The following CCDC149 variants were observed in gnomAD, a reference collection of about 807,000 sequenced individuals.
CCDC149 encodes the protein coiled-coil domain-containing protein 149.
In CCDC149, 45 loss-of-function variants were observed where a neutral mutation model predicts 59.9. That is an observed-to-expected ratio of 0.75 (90% CI 0.59 to 0.96). The LOEUF (loss-of-function observed/expected upper bound fraction) is 0.96, where lower values mean the gene tolerates loss of function less well. Among genes scored for constraint, CCDC149 ranks in the 40% least tolerant of loss-of-function variants. CCDC149 has a pLI of 0.00. For synonymous variants in CCDC149, 245 were observed against 260.6 expected (o/e 0.94, Z 0.58); for missense variants, 584 against 664.7 (o/e 0.88, Z 1.33).
chr4:24,924,870 A>G (rs1441733058), intron 1 of CCDC149, among the ~76,000 whole-genome samples: 3 of 152,216 alleles, frequency 2.0e-5, no homozygotes, highest in Non-Finnish European at 4.4e-5. Context: ...GTGGGATGGA[A>G]GAAATTGTTG....
intron 2 of CCDC149, among the ~76,000 whole-genome samples, chr4:24,874,681 CA>C (rs1213176615): frequency 2.0e-5 from 3 of 152,166 alleles, no homozygotes; most frequent in African/African-American, 7.2e-5. Context: ...ATTAAATGAG[CA>C]CTCTAATATC....
At chr4:24,905,829 C>T (rs780325977) in intron 1 of CCDC149, among the ~76,000 whole-genome samples, 1 of 152,126 alleles carries the variant, frequency 6.6e-6, no homozygotes, top group African/African-American at 2.4e-5. Context: ...TAGGAGTGGC[C>T]GTATGACTAT....
intron 1 of CCDC149, among the ~76,000 whole-genome samples, chr4:24,965,893 G>A (rs1357531609): frequency 1.3e-5 from 2 of 152,224 alleles, no homozygotes. Context: ...GCCATGTGAG[G>A]TGCATTAGGT....
At chr4:24,964,605 A>G (rs1053336518) in intron 1 of CCDC149, among the ~76,000 whole-genome samples, 3 of 152,220 alleles carry the variant, frequency 2.0e-5, no homozygotes, top group African/African-American at 4.8e-5. Flanking sequence ...AAGAATTGTT[A>G]TTTATATCAC....
chr4:24,928,666 T>C (rs1722498903), intron 1 of CCDC149, among the ~76,000 whole-genome samples: 1 of 152,180 alleles, frequency 6.6e-6, no homozygotes, highest in Non-Finnish European at 1.5e-5. Flanking sequence ...CTTGGAATGC[T>C]CTTCCAGAAC....
chr4:24,841,017 A>G (rs917381353), intron 4 of CCDC149, among the ~76,000 whole-genome samples: 5 of 152,204 alleles, frequency 3.3e-5, no homozygotes, highest in African/African-American at 1.2e-4. Flanking sequence ...TGGTCATTCC[A>G]CTGAAAGCTG....
In CCDC149 at chr4:24,920,788, T is replaced by A. The variant is rs183368306; in HGVS notation, c.-64-25670A>T. ...CAAGTATTAACCAAGCCTGACATTG[T>A]TTATCTTAATGGAAACTAAATCAAT... On this transcript the variant is annotated intron_variant, in intron 1 of 12. Transcript: ENST00000389609. Among the ~76,000 whole-genome samples the A allele has an allele frequency of 1.5e-3, 226 of 152,366 alleles. 1 individual carries two copies. Among genetic ancestry groups the A allele is most frequent in the Admixed American group, 3.4e-3 (52 of 15,302 alleles).
intron 12 of CCDC149, among the ~76,000 whole-genome samples, chr4:24,810,802 C>G (rs1714551752): frequency 6.6e-6 from 1 of 152,182 alleles, no homozygotes; most frequent in African/African-American, 2.4e-5. Context: ...AGTTTTTCCT[C>G]TATCAGAATG....
rs200346470 is a variant in CCDC149 at position 24,853,066 on chromosome 4, C to A, written c.372+6G>T. 1.4e-5 allele frequency: 22 copies of A among 1,580,258 alleles called. No individual in the cohort carries two copies. Among genetic ancestry groups the A allele is most frequent in the Non-Finnish European group, 1.8e-5 (21 of 1,149,586 alleles). The stretch of plus-strand genomic sequence containing the variant: ...AGAGCTTCTTCCCTGTAAATACTCA[C>A]AGTACCTTGTTGTCGCCCTGGACTT... On this transcript the variant is annotated splice_donor_region_variant and intron_variant, in intron 4 of 12. Coordinates refer to ENST00000635206, the MANE Select transcript of CCDC149 (RefSeq NM_001330643.2).
intron 3 of CCDC149, among the ~76,000 whole-genome samples, chr4:24,856,267 G>T (rs1163533917): frequency 6.6e-6 from 1 of 152,158 alleles, no homozygotes; most frequent in East Asian, 1.9e-4. Context: ...CATCTGCCTG[G>T]CACTGTTTTA....
At chr4:24,950,710 C>T (rs1315887348) in intron 1 of CCDC149, among the ~76,000 whole-genome samples, 1 of 152,174 alleles carries the variant, frequency 6.6e-6, no homozygotes, top group East Asian at 1.9e-4. Context: ...ATAACAAGTT[C>T]CTTTATTTTT....
intron 4 of CCDC149, among the ~76,000 whole-genome samples, chr4:24,850,963 CTT>C (rs745536602): frequency 1.4e-5 from 2 of 144,350 alleles, no homozygotes; most frequent in Non-Finnish European, 1.5e-5. Flanking sequence ...TGCAGTTAGA[CTT>C]TTTTTTTTTT....
intron 9 of CCDC149, chr4:24,828,304 T>C (rs1270650406): frequency 6.6e-6 from 1 of 151,314 alleles, no homozygotes; most frequent in Non-Finnish European, 1.5e-5. Context: ...AGTATATCTA[T>C]GTAAATATAT....
intron 1 of CCDC149, among the ~76,000 whole-genome samples, chr4:24,903,654 C>T (rs865916624): frequency 9.9e-5 from 15 of 152,194 alleles, no homozygotes; most frequent in Admixed American, 7.9e-4. Context: ...CAAGCTTACA[C>T]AGTCATGTAA....
At chr4:24,913,056 G>C (rs1721994080), upstream of CCDC149, 1 of 166,978 alleles carries the variant, frequency 6.0e-6, no homozygotes, top group East Asian at 1.9e-4. Context: ...GGAGGGAAAG[G>C]GAGGAGGGGC....
chr4:24,886,743 A>G (rs139033771), intron 1 of CCDC149, among the ~76,000 whole-genome samples: 1 of 152,266 alleles, frequency 6.6e-6, no homozygotes, highest in African/African-American at 2.4e-5. Flanking sequence ...CATACACAGA[A>G]ACACAGGAGT....
chr4:24,944,540 AAAGTAT>A (rs1212864988), intron 1 of CCDC149, among the ~76,000 whole-genome samples: 2 of 149,402 alleles, frequency 1.3e-5, no homozygotes. Context: ...CCTAAAACTT[AAAGTAT>A]AATTTAAAAA....
At chr4:24,839,028 TCACACACA>T (rs56226858) in intron 4 of CCDC149, among the ~76,000 whole-genome samples, 286 of 132,102 alleles carry the variant, frequency 2.2e-3, no homozygotes, top group African/African-American at 8.0e-3. Flanking sequence ...TCTCTCTCTC[TCACACACA>T]CACACACACA....
chr4:24,959,332 T>C (rs1484986061), intron 1 of CCDC149, among the ~76,000 whole-genome samples: 1 of 152,156 alleles, frequency 6.6e-6, no homozygotes, highest in Non-Finnish European at 1.5e-5. Context: ...TGTGTTTATC[T>C]GCCAACCCTA....
Sources: gnomAD v4.1 joint callset for allele counts (sites outside exome capture counted in the v4.1 genomes callset) on GRCh38, gnomAD v4.1.1 for gene constraint, MANE v1.5 for transcripts, NCBI Gene and HGNC (gene_info 2026-07-23, HGNC 2026-07-21) for gene names.